Variants in OR14A2 observed in about 807,000 individuals in gnomAD.
OR14A2 encodes the protein olfactory receptor 14A2.
For missense variants in OR14A2, 237 were observed against 152.9 expected, an observed-to-expected ratio of 1.55 and a Z score of -2.90; for synonymous variants, 114 against 58.6, an observed-to-expected ratio of 1.95 and a Z score of -4.32.
chr1:247,741,026 C>T, the OR14A2 span, among the ~76,000 whole-genome samples: 3 of 152,170 alleles, frequency 2.0e-5, 1 homozygote, highest in African/African-American at 7.2e-5. Flanking sequence ...TTAGCTTCCT[C>T]ATGAAATCTT....
the OR14A2 span, among the ~76,000 whole-genome samples, chr1:247,731,653 T>A: frequency 6.6e-6 from 1 of 152,130 alleles, no homozygotes; most frequent in East Asian, 1.9e-4. Flanking sequence ...AGTAAAATTT[T>A]AATTTCAGAA....
chr1:247,738,533 A>C, the OR14A2 span: 1 of 662,344 alleles, frequency 1.5e-6, no homozygotes, highest in African/African-American at 1.8e-5. Context: ...TCATTCAACA[A>C]ATGAAGAAAC....
the OR14A2 span, chr1:247,739,692 T>C: frequency 3.4e-6 from 2 of 588,382 alleles, no homozygotes; most frequent in South Asian, 4.4e-5. Context: ...CAGTCAGTTT[T>C]AATAGAAATA....
chr1:247,737,389 G>A, the OR14A2 span, among the ~76,000 whole-genome samples: 22 of 152,088 alleles, frequency 1.4e-4, no homozygotes, highest in African/African-American at 5.3e-4. Flanking sequence ...AGACTCAAGA[G>A]CAAATGGAAA....
upstream of OR14A2, among the ~76,000 whole-genome samples, chr1:247,727,555 T>A (rs528756771): frequency 6.7e-6 from 1 of 149,432 alleles, no homozygotes; most frequent in South Asian, 2.1e-4. Context: ...TAGCAGAAGG[T>A]AAGAAATAAC....
chr1:247,742,909 C>T, the OR14A2 span, among the ~76,000 whole-genome samples: 1 of 152,090 alleles, frequency 6.6e-6, no homozygotes, highest in Non-Finnish European at 1.5e-5. Context: ...TTAAATGTAT[C>T]TAGAACTATG....
exon 1 of OR14A2, chr1:247,723,584 C>G (rs948418456): frequency 3.9e-5 from 28 of 718,138 alleles, no homozygotes; most frequent in Non-Finnish European, 7.0e-5. Context: ...TACGCAGTAC[C>G]AAAGAGCCCT....
chr1:247,733,713 C>T, the OR14A2 span, among the ~76,000 whole-genome samples: 3 of 152,126 alleles, frequency 2.0e-5, no homozygotes, highest in East Asian at 5.8e-4. Flanking sequence ...AGACAAAACC[C>T]TGCAACTAAT....
chr1:247,741,942 C>T, the OR14A2 span, among the ~76,000 whole-genome samples: 2 of 152,178 alleles, frequency 1.3e-5, no homozygotes, highest in Non-Finnish European at 2.9e-5. Flanking sequence ...GTGATACCCT[C>T]CCCGCCTTGT....
At chr1:247,745,717 C>CA in the OR14A2 span, among the ~76,000 whole-genome samples, 6 of 151,858 alleles carry the variant, frequency 4.0e-5, no homozygotes, top group East Asian at 3.9e-4. Flanking sequence ...AGACATCAGA[C>CA]AAAAAAATTA....
the OR14A2 span, chr1:247,746,694 A>C: frequency 5.3e-5 from 8 of 152,172 alleles, no homozygotes; most frequent in Admixed American, 5.2e-4. Flanking sequence ...CATTGATGTA[A>C]GTTATATCCA....
At chr1:247,745,541 C>A in the OR14A2 span, among the ~76,000 whole-genome samples, 1 of 151,896 alleles carries the variant, frequency 6.6e-6, no homozygotes, top group Non-Finnish European at 1.5e-5. Context: ...TGAATAAAAT[C>A]TCATGGACAA....
chr1:247,734,211 G>C, the OR14A2 span, among the ~76,000 whole-genome samples: 1 of 152,060 alleles, frequency 6.6e-6, no homozygotes, highest in Admixed American at 6.6e-5. Context: ...ACAGGGATTA[G>C]GGCACGCAGA....
chr1:247,734,546 T>C, the OR14A2 span, among the ~76,000 whole-genome samples: 12 of 152,344 alleles, frequency 7.9e-5, no homozygotes, highest in East Asian at 2.3e-3. Flanking sequence ...TCTGAGAATC[T>C]TTTAAAGACT....
At chr1:247,723,409 A>G (rs1302136859) in exon 1 of OR14A2, 2 of 717,452 alleles carry the variant, frequency 2.8e-6, no homozygotes, top group Admixed American at 2.0e-5. Flanking sequence ...AGAGATCACA[A>G]TACAGATGAA....
At chr1:247,733,556 A>C in the OR14A2 span, among the ~76,000 whole-genome samples, 2 of 152,208 alleles carry the variant, frequency 1.3e-5, no homozygotes, top group East Asian at 3.9e-4. Flanking sequence ...CTCCCTATAT[A>C]ACAAAAGCCC....
the OR14A2 span, chr1:247,739,615 A>G: frequency 1.5e-6 from 1 of 681,896 alleles, no homozygotes; most frequent in Non-Finnish European, 2.7e-6. Context: ...GCCATCCACT[A>G]GCTGTTTAAA....
At chr1:247,741,976 T>C in the OR14A2 span, among the ~76,000 whole-genome samples, 1 of 152,192 alleles carries the variant, frequency 6.6e-6, no homozygotes, top group African/African-American at 2.4e-5. Context: ...ACCTTTACAG[T>C]GATGATACAG....
At chr1:247,734,187 G>A in the OR14A2 span, among the ~76,000 whole-genome samples, 2 of 152,076 alleles carry the variant, frequency 1.3e-5, no homozygotes, top group Non-Finnish European at 2.9e-5. Flanking sequence ...TAAACTTACT[G>A]ATGCCTTATT....
Sources: allele counts gnomAD v4.1 joint callset (sites outside exome capture counted in the v4.1 genomes callset), GRCh38; gene constraint gnomAD v4.1.1; transcripts MANE v1.5; gene names NCBI Gene and HGNC (gene_info 2026-07-23, HGNC 2026-07-21).